The following TRAPPC6B variants were observed in gnomAD, a reference collection of about 807,000 sequenced individuals.
TRAPPC6B encodes TRAPP complex subunit 6B.
Under a neutral mutation model 24.7 loss-of-function variants are expected in TRAPPC6B, and 27 were observed. The ratio of observed to expected loss-of-function variants is 1.09; its 90% CI spans 0.81 to 1.51. The LOEUF (loss-of-function observed/expected upper bound fraction) is 1.51, where lower values mean the gene tolerates loss of function less well. TRAPPC6B is among the 40% of genes most tolerant of loss of function. The pLI is 0.00. For missense variants in TRAPPC6B, 212 were observed against 190.8 expected (o/e 1.11, Z -0.66); for synonymous variants, 80 against 66.6 (o/e 1.20, Z -0.98).
chr14:39,151,275 A>C (rs2052908231), intron 5 of TRAPPC6B, among the ~76,000 whole-genome samples: 1 of 151,214 alleles, frequency 6.6e-6, no homozygotes. Context: ...CTGTAGTCCC[A>C]GCTACTCGGG....
At chr14:39,157,359 C>G in intron 3 of TRAPPC6B, 1 of 336,614 alleles carries the variant, frequency 3.0e-6, no homozygotes, top group Non-Finnish European at 5.7e-6. Context: ...AGCTGGCCCA[C>G]AAGTACAGAC....
At chr14:39,152,461 C>G (rs997791122) in intron 4 of TRAPPC6B, among the ~76,000 whole-genome samples, 2 of 152,118 alleles carry the variant, frequency 1.3e-5, no homozygotes, top group South Asian at 4.1e-4. Context: ...AAAGTCATGA[C>G]AAGAACTGGA....
In TRAPPC6B at chr14:39,149,895, TAATA is replaced by T. The variant is rs1318602831; in HGVS notation, c.*451_*454del. The T allele has an allele frequency of 2.0e-5, 3 of 153,330 alleles. No individual in the cohort carries two copies. The highest frequency in any genetic ancestry group is 7.2e-5 in the African/African-American group (3 of 41,474). The allele number at this position is 153,330 out of a possible 1,614,324, so 9.5% of individuals were successfully genotyped here. A position where few individuals can be genotyped will look rare whatever the true frequency, so the allele number is the denominator to read the frequency against. On this transcript the variant is annotated 3_prime_UTR_variant, in exon 6 of 6. Transcript: ENST00000330149. ...ATCCTTATACAGGTGTAAACATTCT[TAATA>T]AATTATAAGCAATAAAATAAAAAAA...
chr14:39,159,558 A>C lies in TRAPPC6B; in HGVS notation c.82-8T>G. 1 of 1,596,134 alleles carries C rather than the reference A, an allele frequency of 6.3e-7. No homozygotes were observed. The highest frequency in any genetic ancestry group is 8.6e-7 in the Non-Finnish European group (1 of 1,168,820). On this transcript the variant is annotated splice_polypyrimidine_tract_variant and splice_region_variant and intron_variant, in intron 1 of 5. Coordinates refer to ENST00000330149, the MANE Select transcript of TRAPPC6B (RefSeq NM_001079537.2). ...AATACATCGTCCGTTTTCCTATTTT[A>C]AAAAACAATAGTTTTAAATACTTTT... is the stretch of plus-strand genomic sequence containing the variant.
rs1001713624 is a variant in TRAPPC6B at position 39,163,631 on chromosome 14, T to C, written c.82-4081A>G. 6.0e-5 allele frequency among the ~76,000 whole-genome samples: 9 copies of C among 150,988 alleles called. No homozygotes were observed. In the South Asian group the frequency reaches 1.9e-3, roughly 31 times the overall value. On this transcript the variant is annotated intron_variant, in intron 1 of 5. Transcript: ENST00000330149. The stretch of plus-strand genomic sequence containing the variant: ...CCCATGTGCCCCTTGTTCCCCTCTC[T>C]GCTAAAATAAAGCTCCAAAAAGGCA...
intron 3 of TRAPPC6B, chr14:39,157,366 A>G (rs1284278696): frequency 6.0e-6 from 2 of 335,466 alleles, no homozygotes; most frequent in East Asian, 8.4e-5. Context: ...CCACAAGTAC[A>G]GACCAAAGAC....
intron 1 of TRAPPC6B, among the ~76,000 whole-genome samples, chr14:39,167,153 C>T (rs1422537020): frequency 6.6e-6 from 1 of 152,164 alleles, no homozygotes; most frequent in Non-Finnish European, 1.5e-5. Context: ...TGAGTAGGCA[C>T]CAAATTTTTA....
At chr14:39,162,683 C>T (rs865782327) in intron 1 of TRAPPC6B, among the ~76,000 whole-genome samples, 1 of 152,274 alleles carries the variant, frequency 6.6e-6, no homozygotes, top group South Asian at 2.1e-4. Context: ...CCAGGCTTCC[C>T]AGTTCTCAGT....
At chr14:39,162,007 G>C (rs2053065017) in intron 1 of TRAPPC6B, among the ~76,000 whole-genome samples, 1 of 152,148 alleles carries the variant, frequency 6.6e-6, no homozygotes, top group Non-Finnish European at 1.5e-5. Context: ...TCCCACCAGT[G>C]GATTTACAAG....
intron 1 of TRAPPC6B, among the ~76,000 whole-genome samples, chr14:39,167,942 A>G (rs570059195): frequency 1.6e-4 from 25 of 152,272 alleles, no homozygotes; most frequent in African/African-American, 6.0e-4. Context: ...GGCCAGGCGC[A>G]GTGGCTTACG....
chr14:39,150,482 A>C lies in TRAPPC6B; in HGVS notation c.446-101T>G, dbSNP rs1187363143. ...ATATAGGAAATAGTTTCAGTCAAGAAATCTGCTATGTCAAAAACTTTTTCG... is the reference window on the plus strand; with the variant it reads ...ATATAGGAAATAGTTTCAGTCAAGACATCTGCTATGTCAAAAACTTTTTCG... On this transcript the variant is annotated intron_variant, in intron 5 of 5. Transcript: ENST00000330149. 4.8e-6 allele frequency: 4 copies of C among 830,610 alleles called. No individual in the cohort carries two copies. The African/African-American group carries it at 7.0e-5, about 15-fold the overall frequency. The allele number at this position is 830,610 out of a possible 1,614,324, so 51.5% of individuals were successfully genotyped here. A position where few individuals can be genotyped will look rare whatever the true frequency, so the allele number is the denominator to read the frequency against.
chr14:39,158,271 ATTAAT>A lies in TRAPPC6B; in HGVS notation c.267+9_267+13del. On this transcript the variant is annotated intron_variant, in intron 3 of 5. Transcript: ENST00000330149. ...AAAGGACTTTAAAATATAGGCCTTA[ATTAAT>A]TTAATTACCTGATGATTTGTCCTTA... 7.1e-7 allele frequency: 1 copy of A among 1,405,586 alleles called. No individual in the cohort carries two copies. The highest frequency in any genetic ancestry group is 9.8e-7 in the Non-Finnish European group (1 of 1,015,844). The allele number at this position is 1,405,586 out of a possible 1,614,324, so 87.1% of individuals were successfully genotyped here.
At chr14:39,167,739 AAAAG>A (rs1243508343) in intron 1 of TRAPPC6B, among the ~76,000 whole-genome samples, 3 of 152,204 alleles carry the variant, frequency 2.0e-5, no homozygotes, top group African/African-American at 4.8e-5. Context: ...CTGCAGTAGA[AAAAG>A]AAAGTTATTT....
At chr14:39,169,040 A>G (rs2053137395) in intron 1 of TRAPPC6B, among the ~76,000 whole-genome samples, 1 of 152,196 alleles carries the variant, frequency 6.6e-6, no homozygotes, top group African/African-American at 2.4e-5. Flanking sequence ...GTGTATTTAA[A>G]TCCACCACTC....
intron 3 of TRAPPC6B, chr14:39,157,103 T>A (rs8018196): frequency 0.083 from 9,008 of 108,422 alleles, 983 homozygotes; most frequent in African/African-American, 0.4. Flanking sequence ...CAAGACTCCA[T>A]CTCAAAAAAA....
intron 1 of TRAPPC6B, among the ~76,000 whole-genome samples, chr14:39,167,709 T>A (rs925527894): frequency 6.6e-6 from 1 of 151,762 alleles, no homozygotes; most frequent in Non-Finnish European, 1.5e-5. Context: ...CTTTCAATTT[T>A]CCCCCCCATC....
At chr14:39,160,685 GAGAA>G (rs1358659319) in intron 1 of TRAPPC6B, among the ~76,000 whole-genome samples, 1 of 152,074 alleles carries the variant, frequency 6.6e-6, no homozygotes, top group African/African-American at 2.4e-5. Flanking sequence ...AGAGAGAAAA[GAGAA>G]AGAAAATAAT....
intron 1 of TRAPPC6B, among the ~76,000 whole-genome samples, chr14:39,165,363 G>C (rs948843919): frequency 6.6e-6 from 1 of 152,028 alleles, no homozygotes; most frequent in African/African-American, 2.4e-5. Flanking sequence ...TTTAAATTCT[G>C]CTCAAGTATT....
At position 39,150,228 on chromosome 14, in the gene TRAPPC6B, A is replaced by G; in HGVS notation, c.*122T>C. On this transcript the variant is annotated 3_prime_UTR_variant, in exon 6 of 6. Transcript: ENST00000330149. ...CTCCTTTGATCTGTGTTAAATTGATAAAAATACATGCTTACTCCTGTACAA... is the reference window on the plus strand; with the variant it reads ...CTCCTTTGATCTGTGTTAAATTGATGAAAATACATGCTTACTCCTGTACAA... 1.2e-6 allele frequency: 1 copy of G among 847,404 alleles called. No individual in the cohort carries two copies. The highest frequency in any genetic ancestry group is 1.6e-5 in the South Asian group (1 of 61,346). 52.5% of individuals were successfully genotyped at this position (847,404 alleles called of 1,614,324 possible).
Sources: allele counts gnomAD v4.1 joint callset (sites outside exome capture counted in the v4.1 genomes callset), GRCh38; gene constraint gnomAD v4.1.1; transcripts MANE v1.5; gene names NCBI Gene and HGNC (gene_info 2026-07-23, HGNC 2026-07-21).